The following EPHX3 variants were observed in gnomAD, a reference collection of about 807,000 sequenced individuals.
EPHX3 encodes the protein abhydrolase domain containing 9.
In EPHX3, 39 loss-of-function variants were observed where a neutral mutation model predicts 40.2. The observed-to-expected ratio is 0.97, with a 90% CI of 0.75 to 1.27. EPHX3 has a LOEUF of 1.27. EPHX3 is among the 50% of genes most tolerant of loss of function. EPHX3 has a pLI of 0.00. For synonymous variants in EPHX3, 213 were observed against 209.7 expected, an observed-to-expected ratio of 1.02 and a Z score of -0.14; for missense variants, 442 against 474.0, an observed-to-expected ratio of 0.93 and a Z score of 0.63.
upstream of EPHX3, chr19:15,236,677 C>T (rs922421380): frequency 8.4e-5 from 14 of 166,004 alleles, no homozygotes; most frequent in Admixed American, 2.6e-4. Flanking sequence ...TATGAGTCTG[C>T]GTGGCTCCCG....
chr19:15,231,302 C>A lies in EPHX3; in HGVS notation c.424G>T (p.Asp142Tyr), dbSNP rs879049739. 6.2e-7 allele frequency: 1 copy of A among 1,613,992 alleles called. No individual in the cohort carries two copies. Among genetic ancestry groups the A allele is most frequent in the Non-Finnish European group, 8.5e-7 (1 of 1,180,020 alleles). The change falls in exon 3 of 7, where the codon GAT (aspartate) becomes TAT (tyrosine). Residue 142 changes from aspartate to tyrosine, a missense_variant. Asp to Tyr is a radical substitution (Grantham distance 160). Transcript: ENST00000221730. ...RGYGPSDAPR[D>Y]VDCYTIDLLL... ...AGGTCGATTGTGTAGCAGTCCACAT[C>A]CCGAGGTGCATCCGAGGGGCCATAG...
chr19:15,227,727 G>A (rs944472360), intron 6 of EPHX3, 44 bp downstream of exon 6: 9 of 1,606,184 alleles, frequency 5.6e-6, no homozygotes, highest in African/African-American at 1.3e-5. Flanking sequence ...CCACCCCCCT[G>A]CCCCTGCAAA....
At position 15,232,254 on chromosome 19, in the gene EPHX3, C is replaced by T; in HGVS notation, c.-43G>A. On this transcript the variant is annotated 5_prime_UTR_variant, in exon 1 of 7. Transcript: ENST00000221730. ...CCACGGCGGCGCTGCCGGCCAGGGG[C>T]ACCTGCAGCAGCGGCGAAGCGGTGT... is the stretch of plus-strand genomic sequence containing the variant. The T allele has an allele frequency of 6.9e-7, 1 of 1,444,428 alleles. No homozygotes were observed. Among genetic ancestry groups the T allele is most frequent in the South Asian group, 1.4e-5 (1 of 70,590 alleles). 89.5% of individuals were successfully genotyped at this position (1,444,428 alleles called of 1,614,324 possible).
chr19:15,233,984 C>T (rs2047173219), upstream of EPHX3, among the ~76,000 whole-genome samples: 2 of 151,400 alleles, frequency 1.3e-5, no homozygotes, highest in Non-Finnish European at 2.9e-5. Flanking sequence ...GGCGTGAACC[C>T]AGGAGGCGGA....
In EPHX3 at chr19:15,231,028, T is replaced by C; in HGVS notation, c.550A>G (p.Ile184Val). 2 of 1,613,902 alleles carry C rather than the reference T, an allele frequency of 1.2e-6. No homozygotes were observed. The highest frequency in any genetic ancestry group is 1.7e-6 in the Non-Finnish European group (2 of 1,179,992). ...CGCTCGACCAGGGATGGGTAGTAGA[T>C]GGAGAAATGCCAGGCAAGGAGGGCA... is the stretch of plus-strand genomic sequence containing the variant. ...WGALLAWHFS[I>V]YYPSLVERMV... The change falls in exon 4 of 7, where the codon ATC becomes GTC. Residue 184 changes from isoleucine (I) to valine (V), a missense_variant. By Grantham distance (29) the Ile-to-Val change is conservative (BLOSUM62 3). Transcript: ENST00000221730.
intron 4 of EPHX3, among the ~76,000 whole-genome samples, chr19:15,229,926 A>AG (rs1417926649): frequency 1.3e-5 from 2 of 148,678 alleles, no homozygotes; most frequent in Admixed American, 6.7e-5. Flanking sequence ...AGAAAAGAAA[A>AG]AGAAAAAAAA....
At chr19:15,234,918 CA>C (rs923889911), upstream of EPHX3, among the ~76,000 whole-genome samples, 2 of 152,198 alleles carry the variant, frequency 1.3e-5, no homozygotes, top group Non-Finnish European at 2.9e-5. Flanking sequence ...CCATAGTGTA[CA>C]AACTTTTGTT....
intron 4 of EPHX3, among the ~76,000 whole-genome samples, chr19:15,229,730 T>C (rs1404533745): frequency 6.8e-6 from 1 of 146,882 alleles, no homozygotes; most frequent in Non-Finnish European, 1.5e-5. Flanking sequence ...CCGTCTCTAC[T>C]AAAATACAAA....
At chr19:15,230,521 C>T (rs2047146074) in intron 4 of EPHX3, among the ~76,000 whole-genome samples, 1 of 150,874 alleles carries the variant, frequency 6.6e-6, no homozygotes, top group Non-Finnish European at 1.5e-5. Flanking sequence ...GCTCTTGTTG[C>T]CTAGGCTGGA....
At position 15,232,396 on chromosome 19, in the gene EPHX3, TCACCTGAGTGCCAGGTAAA is replaced by T; in HGVS notation, c.-204_-186del. 7.3e-7 allele frequency: 1 copy of T among 1,363,880 alleles called. No individual in the cohort carries two copies. Among genetic ancestry groups the T allele is most frequent in the Admixed American group, 3.9e-5 (1 of 25,778 alleles). 84.5% of individuals were successfully genotyped at this position (1,363,880 alleles called of 1,614,324 possible). The stretch of plus-strand genomic sequence containing the variant: ...ACAGAAAACAGCCAGAGCGCACCAC[TCACCTGAGTGCCAGGTAAA>T]CACCTGGGCGCGACAGGGACAGGAA... On this transcript the variant is annotated 5_prime_UTR_variant, in exon 1 of 7. Transcript: ENST00000221730.
chr19:15,227,282 G>A lies in EPHX3; in HGVS notation c.*155C>T, dbSNP rs2145477836. ...GTTGGTGTGTCCCGAGGCACCCATA[G>A]GTGCGCTTGTGTGGGATCCAGGAGT... On this transcript the variant is annotated 3_prime_UTR_variant, in exon 7 of 7. Coordinates refer to ENST00000221730, the MANE Select transcript of EPHX3 (RefSeq NM_024794.3). The A allele has an allele frequency of 1.5e-6, 1 of 648,520 alleles. No homozygotes were observed. Among genetic ancestry groups the A allele is most frequent in the East Asian group, 2.7e-5 (1 of 36,722 alleles). The allele number at this position is 648,520 out of a possible 1,614,324, so 40.2% of individuals were successfully genotyped here.
upstream of EPHX3, chr19:15,233,142 C>T (rs958695026): frequency 4.0e-3 from 6 of 1,518 alleles, no homozygotes; most frequent in Non-Finnish European, 7.9e-3. Flanking sequence ...GACGGTAGGC[C>T]GGGGAGGGGG....
rs1407420203 is a variant in EPHX3 at position 15,231,880 on chromosome 19, C to CTGAA, written c.244-23_244-20dup. Reference sequence around the variant, plus strand: ...CCGAGCTCTAGGGGGAGGGCACAGCCTGAAGCCTGGGGAACCCTCTCTCCC... The same window carrying CTGAA: ...CCGAGCTCTAGGGGGAGGGCACAGCCTGAATGAAGCCTGGGGAACCCTCTCTCCC... On this transcript the variant is annotated intron_variant, in intron 1 of 6. Coordinates refer to ENST00000221730, the MANE Select transcript of EPHX3 (RefSeq NM_024794.3). The CTGAA allele has an allele frequency of 2.5e-6, 4 of 1,613,430 alleles. No individual in the cohort carries two copies. The highest frequency in any genetic ancestry group is 3.3e-5 in the Admixed American group (2 of 60,004).
At chr19:15,231,485 C>T (rs968362034) in intron 2 of EPHX3, 89 bp from the exon 3 acceptor site, 41 of 1,475,142 alleles carry the variant, frequency 2.8e-5, no homozygotes, top group South Asian at 3.9e-5. Flanking sequence ...GGCAAACCCT[C>T]CTTCCTGCTC....
chr19:15,236,631 G>A (rs1052127841), upstream of EPHX3: 7 of 158,144 alleles, frequency 4.4e-5, no homozygotes, highest in Non-Finnish European at 7.0e-5. Context: ...GATGGGTACC[G>A]GGCTCTGCGT....
chr19:15,236,109 G>A (rs1029739700), upstream of EPHX3: 2 of 152,262 alleles, frequency 1.3e-5, no homozygotes, highest in African/African-American at 4.8e-5. Context: ...CCCTCACAGG[G>A]AGGTTTGGCA....
chr19:15,234,888 G>A (rs985472759), upstream of EPHX3, among the ~76,000 whole-genome samples: 2 of 152,208 alleles, frequency 1.3e-5, no homozygotes, highest in Non-Finnish European at 2.9e-5. Flanking sequence ...GAGCCGAATA[G>A]ACCACTATGA....
In EPHX3 at chr19:15,231,232, T is replaced by C. The variant is rs769575823; in HGVS notation, c.487+7A>G. ...AGGCCACGCCTAGGATGGGGGTATG[T>C]CTGCACCCAGGCCTAGGATGACATC... On this transcript the variant is annotated splice_region_variant and intron_variant, in intron 3 of 6. Transcript: ENST00000221730. The C allele has an allele frequency of 6.2e-7, 1 of 1,613,844 alleles. No homozygotes were observed. Among genetic ancestry groups the C allele is most frequent in the East Asian group, 2.2e-5 (1 of 44,870 alleles).
At position 15,231,387 on chromosome 19, in the gene EPHX3, C is replaced by T. The variant is rs187289470; in HGVS notation, c.339G>A (p.Trp113Ter). ...LHGFPENWFS[W>*]RYQLREFQSR... ...TCTGGAACTCCCGGAGCTGGTAACG[C>T]CAGGAGAACCTGCCAGGCGGGCGAG... Residue 113 changes from tryptophan (W) to a stop codon, truncating the protein, a stop_gained, in exon 3 of 7, where the codon TGG (tryptophan) becomes TGA (stop). Coordinates refer to ENST00000221730, the MANE Select transcript of EPHX3 (RefSeq NM_024794.3). LOFTEE classifies it high-confidence loss of function. 5.0e-6 allele frequency: 8 copies of T among 1,613,590 alleles called. No homozygotes were observed. The Admixed American group carries it at 8.3e-5, about 17-fold the overall frequency.
Sources: gnomAD v4.1 joint callset for allele counts (sites outside exome capture counted in the v4.1 genomes callset) on GRCh38, gnomAD v4.1.1 for gene constraint, MANE v1.5 for transcripts, NCBI Gene and HGNC (gene_info 2026-07-23, HGNC 2026-07-21) for gene names.